POLR2G: variants seen among roughly 807,000 people sequenced by gnomAD.
The protein encoded by POLR2G is RNA polymerase II subunit G.
A neutral mutation model predicts 25.7 loss-of-function variants in POLR2G; 19 were observed. That is an observed-to-expected ratio of 0.74 (90% CI 0.52 to 1.08). The LOEUF (loss-of-function observed/expected upper bound fraction) is 1.08. POLR2G is among the 50% of genes least tolerant of loss of function. POLR2G has a pLI of 0.00. For missense variants in POLR2G, 123 were observed against 218.5 expected, an observed-to-expected ratio of 0.56 and a Z score of 2.76; for synonymous variants, 79 against 76.0, an observed-to-expected ratio of 1.04 and a Z score of -0.21.
At chr11:62,765,571 C>T (rs2084111409) in intron 5 of POLR2G, 82 bp from the exon 6 acceptor site, 9 of 1,131,098 alleles carry the variant, frequency 8.0e-6, no homozygotes, top group Non-Finnish European at 1.1e-5. Context: ...TTCAATATGC[C>T]CCCGGGCTTA....
chr11:62,765,895 C>G (rs1236614146), intron 6 of POLR2G, among the ~76,000 whole-genome samples, 171 bp downstream of exon 6: 1 of 151,088 alleles, frequency 6.6e-6, no homozygotes, highest in Non-Finnish European at 1.5e-5. Flanking sequence ...TCATGCCATT[C>G]TCCTGCCTCA....
chr11:62,761,999 C>T (rs2084091554), intron 2 of POLR2G, 95 bp downstream of exon 2: 5 of 927,722 alleles, frequency 5.4e-6, no homozygotes, highest in Non-Finnish European at 8.5e-6. Context: ...GTCCTGCCAC[C>T]CACTCTGGGG....
rs552297738 is a variant in POLR2G, at chr11:62,762,950, C to T, written c.206C>T (p.Pro69Leu). The change falls in exon 3 of 8, where the codon CCA (proline) becomes CTA (leucine). Residue 69 changes from proline to leucine, a missense_variant. Coordinates refer to ENST00000301788, the MANE Select transcript of POLR2G (RefSeq NM_002696.3). Reference protein sequence around the residue: ...IQPGRGFVLYPVKYKAIVFRP... With the variant: ...IQPGRGFVLYLVKYKAIVFRP... ...CCAGGCCGAGGCTTTGTCCTTTATCCAGTTAAGTACAAGGCCATTGTTTTC... is the reference window on the plus strand; with the variant it reads ...CCAGGCCGAGGCTTTGTCCTTTATCTAGTTAAGTACAAGGCCATTGTTTTC... 6.2e-7 allele frequency: 1 copy of T among 1,612,116 alleles called. No individual in the cohort carries two copies. Among genetic ancestry groups the T allele is most frequent in the East Asian group, 2.2e-5 (1 of 44,826 alleles).
At chr11:62,763,049 C>A (rs2084096502) in intron 3 of POLR2G, 23 bp downstream of exon 3, 2 of 1,533,980 alleles carry the variant, frequency 1.3e-6, no homozygotes, top group African/African-American at 1.4e-5. Context: ...ATAGGGGAGG[C>A]AGTGGGGTAG....
intron 7 of POLR2G, 50 bp downstream of exon 7, chr11:62,766,326 G>T (rs139234333): frequency 1.1e-5 from 18 of 1,565,632 alleles, no homozygotes; most frequent in Non-Finnish European, 1.6e-5. Context: ...GAAGGGATGT[G>T]TGGGGGTGGG....
intron 5 of POLR2G, 73 bp downstream of exon 5, chr11:62,765,478 A>G (rs1233436226): frequency 7.8e-7 from 1 of 1,282,522 alleles, no homozygotes; most frequent in Non-Finnish European, 1.1e-6. Flanking sequence ...TGGCCTGGGG[A>G]TGGCTGAGTA....
rs1369907835 is a variant in POLR2G, at chr11:62,761,790, C to G, written c.13-5C>G. 6.2e-7 allele frequency: 1 copy of G among 1,613,440 alleles called. No individual in the cohort carries two copies. Among genetic ancestry groups the G allele is most frequent in the East Asian group, 2.2e-5 (1 of 44,872 alleles). On this transcript the variant is annotated splice_region_variant and splice_polypyrimidine_tract_variant and intron_variant, in intron 1 of 7. Transcript: ENST00000301788. ...GCCTGGTCGCCATCCCACTTTTCTCCGCAGATCTCCCTAGAGCACGAAATC... is the reference window on the plus strand; with the variant it reads ...GCCTGGTCGCCATCCCACTTTTCTCGGCAGATCTCCCTAGAGCACGAAATC...
intron 2 of POLR2G, 197 bp downstream of exon 2, chr11:62,762,101 A>G (rs2084092186): frequency 3.4e-6 from 2 of 588,546 alleles, no homozygotes; most frequent in African/African-American, 3.7e-5. Flanking sequence ...TCCTTCTCTC[A>G]GCTGAGATGG....
intron 7 of POLR2G, 63 bp downstream of exon 7, chr11:62,766,339 G>A (rs2134858994): frequency 2.6e-6 from 4 of 1,538,578 alleles, no homozygotes; most frequent in Non-Finnish European, 2.7e-6. Context: ...GGGGTGGGGA[G>A]TAATATAGGA....
intron 2 of POLR2G, chr11:62,762,628 A>G: frequency 1.6e-6 from 1 of 606,450 alleles, no homozygotes; most frequent in Non-Finnish European, 3.1e-6. Context: ...CTGTTGCCTC[A>G]AGGACTCCAG....
chr11:62,762,566 T>C, intron 2 of POLR2G: 1 of 493,488 alleles, frequency 2.0e-6, no homozygotes, highest in African/African-American at 1.9e-5. Flanking sequence ...GGGGCAGACC[T>C]GAGAATCTGC....
chr11:62,765,508 C>A, intron 5 of POLR2G, 103 bp downstream of exon 5: 1 of 1,128,318 alleles, frequency 8.9e-7, no homozygotes, highest in Non-Finnish European at 1.4e-6. Context: ...CCCGAATTAC[C>A]ATGGCTTGAT....
rs757554459 is a variant in POLR2G at position 62,766,266 on chromosome 11, C to T, written c.495C>T (p.Asp165=). 1.1e-5 allele frequency: 17 copies of T among 1,613,578 alleles called. No individual in the cohort carries two copies. In the Middle Eastern group the frequency reaches 4.9e-4, roughly 47 times the overall value. ...AGTTTGCTATTGGCTCCCTGATGGA[C>T]GATTACTTGGGTGAGTGCCTGATCA... is the stretch of plus-strand genomic sequence containing the variant. The part of the protein sequence containing the change: ...NDIFAIGSLM[D]DYLGLVS Residue 165 remains aspartate, a synonymous_variant, in exon 7 of 8, where the codon GAC becomes GAT. Transcript: ENST00000301788.
Position 62,765,737 on chromosome 11 carries a change from C to G in POLR2G, c.471+13C>G, listed in dbSNP as rs1590928921. The G allele has an allele frequency of 6.6e-7, 1 of 1,521,150 alleles. No individual in the cohort carries two copies. Among genetic ancestry groups the G allele is most frequent in the East Asian group, 2.3e-5 (1 of 44,442 alleles). 94.2% of individuals were successfully genotyped at this position (1,521,150 alleles called of 1,614,324 possible). Reference sequence around the variant, plus strand: ...CAAGAATGACATTGTGAGTCTTTTCCCCACCTCTCTACCTATACCAGGTTG... The same window carrying G: ...CAAGAATGACATTGTGAGTCTTTTCGCCACCTCTCTACCTATACCAGGTTG... On this transcript the variant is annotated intron_variant, in intron 6 of 7. Coordinates refer to ENST00000301788, the MANE Select transcript of POLR2G (RefSeq NM_002696.3).
rs569061851 is a variant in POLR2G, at chr11:62,764,708, A to T, written c.283-474A>T. Among the ~76,000 whole-genome samples the T allele has an allele frequency of 2.3e-4, 35 of 152,130 alleles. No homozygotes were observed. The South Asian group carries it at 7.1e-3, about 31-fold the overall frequency. On this transcript the variant is annotated intron_variant, in intron 3 of 7. Transcript: ENST00000301788. ...CAACTTGGGAGGCTGAGGTGGGAGGATCGCTTGAGCCCAGGAGTTCAAATT... is the reference window on the plus strand; with the variant it reads ...CAACTTGGGAGGCTGAGGTGGGAGGTTCGCTTGAGCCCAGGAGTTCAAATT...
chr11:62,763,297 ATTT>A (rs775776919), intron 3 of POLR2G, among the ~76,000 whole-genome samples: 1 of 128,658 alleles, frequency 7.8e-6, no homozygotes, highest in Non-Finnish European at 1.7e-5. Context: ...ATGGCCGGCT[ATTT>A]TTTTTTTTTT....
In POLR2G at chr11:62,766,543, A is replaced by T. The variant is rs763179287; in HGVS notation, c.*36A>T. 5.0e-6 allele frequency: 8 copies of T among 1,601,464 alleles called. No homozygotes were observed. The South Asian group carries it at 7.7e-5, about 15-fold the overall frequency. On this transcript the variant is annotated 3_prime_UTR_variant, in exon 8 of 8. Coordinates refer to ENST00000301788, the MANE Select transcript of POLR2G (RefSeq NM_002696.3). ...CTCCTACCCTTGGTCCTACTCTAGG[A>T]AGTGTGATTGTCACACTTATCATGT...
chr11:62,766,352 C>A lies in POLR2G; in HGVS notation c.505+76C>A, dbSNP rs1259960160. The A allele has an allele frequency of 4.0e-6, 6 of 1,516,178 alleles. No individual in the cohort carries two copies. The African/African-American group carries it at 4.1e-5, about 10-fold the overall frequency. The allele number at this position is 1,516,178 out of a possible 1,614,324, so 93.9% of individuals were successfully genotyped here. ...TGGGGGTGGGGAGTAATATAGGATT[C>A]AATGCCCAAATCAGAGAGACAGAAG... On this transcript the variant is annotated intron_variant, in intron 7 of 7. Transcript: ENST00000301788.
At chr11:62,765,614 A>C (rs1381986996) in intron 5 of POLR2G, 39 bp from the exon 6 acceptor site, 3 of 1,419,460 alleles carry the variant, frequency 2.1e-6, no homozygotes, top group Non-Finnish European at 3.0e-6. Flanking sequence ...CTTCTCATAA[A>C]CTGAGGAGCA....
Sources: allele counts gnomAD v4.1 joint callset (sites outside exome capture counted in the v4.1 genomes callset), GRCh38; gene constraint gnomAD v4.1.1; transcripts MANE v1.5; gene names NCBI Gene and HGNC (gene_info 2026-07-23, HGNC 2026-07-21).